TENM2: variants seen among roughly 807,000 people sequenced by gnomAD.
TENM2 encodes the protein teneurin transmembrane protein 2.
A neutral mutation model predicts 245.2 loss-of-function variants in TENM2; 52 were observed. That is an observed-to-expected ratio of 0.21 (90% CI 0.17 to 0.27). The LOEUF (loss-of-function observed/expected upper bound fraction) is 0.27. Ranked by LOEUF, TENM2 falls within the 10% of genes least tolerant of loss-of-function variation. The pLI is 1.00. For missense variants in TENM2, 3,046 were observed against 3,666.8 expected, an observed-to-expected ratio of 0.83 and a Z score of 4.37; for synonymous variants, 1,363 against 1,438.9, an observed-to-expected ratio of 0.95 and a Z score of 1.19.
At chr5:167,575,906 CT>C (rs747949860) in intron 2 of TENM2, among the ~76,000 whole-genome samples, 10 of 151,598 alleles carry the variant, frequency 6.6e-5, no homozygotes, top group Non-Finnish European at 1.5e-4. Context: ...TCGTTTTTTC[CT>C]GCGTGAAATT....
intron 8 of TENM2, among the ~76,000 whole-genome samples, chr5:168,092,883 A>G (rs1487013191): frequency 1.3e-5 from 2 of 152,208 alleles, no homozygotes; most frequent in Non-Finnish European, 2.9e-5. Flanking sequence ...CTATGCATTT[A>G]TAGAGCATCA....
chr5:167,580,534 G>T (rs1032355398), intron 2 of TENM2, among the ~76,000 whole-genome samples: 1 of 152,200 alleles, frequency 6.6e-6, no homozygotes, highest in Non-Finnish European at 1.5e-5. Flanking sequence ...CACACTGAAA[G>T]CCTCTTAGAT....
chr5:167,673,456 A>G (rs1433885383), intron 2 of TENM2, among the ~76,000 whole-genome samples: 1 of 152,086 alleles, frequency 6.6e-6, no homozygotes, highest in Non-Finnish European at 1.5e-5. Flanking sequence ...CTGAAACATC[A>G]TTTGTCTCTA....
intron 2 of TENM2, among the ~76,000 whole-genome samples, chr5:167,853,137 A>C (rs1561856394): frequency 6.6e-6 from 1 of 151,326 alleles, no homozygotes; most frequent in Admixed American, 6.6e-5. Context: ...AAATACAAAA[A>C]AAATTAGCCG....
At chr5:168,157,474 C>T (rs1166408971) in intron 12 of TENM2, among the ~76,000 whole-genome samples, 5 of 152,040 alleles carry the variant, frequency 3.3e-5, no homozygotes, top group African/African-American at 1.2e-4. Flanking sequence ...GCATCTGGAC[C>T]AAAGATGAGG....
At chr5:167,792,299 C>T (rs77641197) in intron 2 of TENM2, among the ~76,000 whole-genome samples, 1 of 152,098 alleles carries the variant, frequency 6.6e-6, no homozygotes, top group Non-Finnish European at 1.5e-5. Context: ...ACAACCTACA[C>T]AGGATCAGCC....
In TENM2 at chr5:167,669,663, A is replaced by C. The variant is rs111367214; in HGVS notation, c.503-206323A>C. Among the ~76,000 whole-genome samples the C allele has an allele frequency of 9.7e-4, 148 of 151,992 alleles. 1 individual carries two copies. The highest frequency in any genetic ancestry group is 3.2e-3 in the African/African-American group (131 of 41,448). On this transcript the variant is annotated intron_variant, in intron 2 of 28. Transcript: ENST00000518659. ...CACCTGCTGAACTTTTTCACCTCCA[A>C]CTCCAAATTAGAGGAAAGTTGGCTT...
At chr5:167,449,430 C>T (rs922959269) in intron 2 of TENM2, among the ~76,000 whole-genome samples, 4 of 151,878 alleles carry the variant, frequency 2.6e-5, no homozygotes, top group Admixed American at 2.6e-4. Context: ...AACGCCTCAA[C>T]AAGAGTGAAG....
intron 7 of TENM2, among the ~76,000 whole-genome samples, chr5:168,077,312 G>T (rs1011166515): frequency 6.6e-6 from 1 of 151,950 alleles, no homozygotes; most frequent in Admixed American, 6.6e-5. Context: ...ATTTCCTTTT[G>T]GCCTAAATCT....
the TENM2 span, among the ~76,000 whole-genome samples, chr5:167,033,588 G>A: frequency 9.0e-3 from 1,373 of 152,284 alleles, 22 homozygotes; most frequent in African/African-American, 0.032. Context: ...TTAAAAATAT[G>A]AGAGCCAGCT....
intron 25 of TENM2, among the ~76,000 whole-genome samples, chr5:168,229,309 T>TTCCTGCTTA (rs1356660485): frequency 6.6e-6 from 1 of 151,616 alleles, no homozygotes; most frequent in East Asian, 1.9e-4. Flanking sequence ...GTCACATGCC[T>TTCCTGCTTA]TCCTGCTTAT....
intron 3 of TENM2, among the ~76,000 whole-genome samples, chr5:167,925,647 A>C (rs1322735120): frequency 1.3e-5 from 2 of 152,200 alleles, no homozygotes; most frequent in African/African-American, 4.8e-5. Context: ...ATAAAGAGGC[A>C]CGCACATAAA....
chr5:167,018,231 A>G, the TENM2 span, among the ~76,000 whole-genome samples: 1 of 152,214 alleles, frequency 6.6e-6, no homozygotes, highest in Non-Finnish European at 1.5e-5. Flanking sequence ...TGTTACTCCA[A>G]AAGTAAAATA....
intron 2 of TENM2, among the ~76,000 whole-genome samples, chr5:167,804,551 C>T (rs1200931722): frequency 6.6e-6 from 1 of 152,100 alleles, no homozygotes; most frequent in African/African-American, 2.4e-5. Flanking sequence ...CCTTTACGTG[C>T]ATTATCTCAT....
intron 7 of TENM2, among the ~76,000 whole-genome samples, chr5:168,084,320 T>G (rs1047517330): frequency 1.7e-4 from 26 of 152,222 alleles, no homozygotes; most frequent in Non-Finnish European, 3.7e-4. Context: ...TTAAGTTACT[T>G]GAGAAATTTC....
intron 4 of TENM2, among the ~76,000 whole-genome samples, chr5:167,968,665 T>C (rs1781553906): frequency 6.6e-6 from 1 of 152,206 alleles, no homozygotes; most frequent in African/African-American, 2.4e-5. Flanking sequence ...TACTTAACAC[T>C]GGTATGTTCT....
intron 2 of TENM2, among the ~76,000 whole-genome samples, chr5:167,622,958 T>C (rs914286816): frequency 1.3e-5 from 2 of 152,164 alleles, no homozygotes; most frequent in African/African-American, 4.8e-5. Flanking sequence ...TTCCTAACAA[T>C]GTATAGTTGT....
chr5:167,511,153 C>T (rs1582247995), intron 2 of TENM2, among the ~76,000 whole-genome samples: 2 of 152,086 alleles, frequency 1.3e-5, no homozygotes, highest in Non-Finnish European at 2.9e-5. Flanking sequence ...AAGAATAGCT[C>T]CATGTCCTTA....
chr5:167,838,035 C>A (rs1469824221), intron 2 of TENM2, among the ~76,000 whole-genome samples: 1 of 152,142 alleles, frequency 6.6e-6, no homozygotes, highest in Non-Finnish European at 1.5e-5. Context: ...ATGGGAAATG[C>A]CCAGAAGAAA....
Sources: allele counts gnomAD v4.1 joint callset (sites outside exome capture counted in the v4.1 genomes callset), GRCh38; gene constraint gnomAD v4.1.1; transcripts MANE v1.5; gene names NCBI Gene and HGNC (gene_info 2026-07-23, HGNC 2026-07-21).